The following PIP4K2A variants were observed in gnomAD, a reference collection of about 807,000 sequenced individuals.
PIP4K2A encodes phosphatidylinositol 5-phosphate 4-kinase type-2 alpha.
PIP4K2A carries 14 observed loss-of-function variants against 42.9 expected under a neutral mutation model. The observed-to-expected ratio is 0.33, with a 90% CI of 0.22 to 0.51. The LOEUF is 0.51. Ranked by LOEUF, PIP4K2A falls within the 20% of genes least tolerant of loss-of-function variation. The probability of loss-of-function intolerance (pLI) is 0.97; values close to 1 mark genes in which losing one functional copy is unlikely to be tolerated. For missense variants in PIP4K2A, 434 were observed against 519.8 expected (o/e 0.83, Z 1.61); for synonymous variants, 192 against 192.2 (o/e 1.00, Z 0.01).
intron 1 of PIP4K2A, among the ~76,000 whole-genome samples, chr10:22,640,701 C>T (rs943191): frequency 0.028 from 4,235 of 152,250 alleles, 78 homozygotes; most frequent in Non-Finnish European, 0.039. Flanking sequence ...CCTTCTCCTC[C>T]GCCTGGGAAA....
chr10:22,558,040 CT>C (rs1836595873), intron 6 of PIP4K2A, among the ~76,000 whole-genome samples: 1 of 152,180 alleles, frequency 6.6e-6, no homozygotes, highest in African/African-American at 2.4e-5. Flanking sequence ...GTTTGATATG[CT>C]CATTTGGCAA....
Position 22,591,619 on chromosome 10 carries a change from GA to G in PIP4K2A, c.492+9del. The G allele has an allele frequency of 6.3e-7, 1 of 1,595,592 alleles. No homozygotes were observed. Among genetic ancestry groups the G allele is most frequent in the South Asian group, 1.1e-5 (1 of 88,696 alleles). On this transcript the variant is annotated intron_variant, in intron 4 of 9. Transcript: ENST00000376573. The stretch of plus-strand genomic sequence containing the variant: ...TCTTGGAGTTTCAAATAAAGATCAA[GA>G]AAAATTACCTGGTGGTATTTCTTCA...
At chr10:22,589,242 C>T (rs1462920211) in intron 4 of PIP4K2A, among the ~76,000 whole-genome samples, 3 of 152,136 alleles carry the variant, frequency 2.0e-5, no homozygotes, top group Non-Finnish European at 4.4e-5. Context: ...AAAGAGAATG[C>T]ATAAGTATGA....
At chr10:22,690,188 T>C (rs1009854441) in intron 1 of PIP4K2A, among the ~76,000 whole-genome samples, 9 of 152,184 alleles carry the variant, frequency 5.9e-5, no homozygotes, top group African/African-American at 2.2e-4. Flanking sequence ...AACCCTATTT[T>C]GGAGTAGAGG....
chr10:22,556,248 C>G (rs111925698), intron 6 of PIP4K2A, among the ~76,000 whole-genome samples: 1 of 152,134 alleles, frequency 6.6e-6, no homozygotes, highest in Admixed American at 6.5e-5. Flanking sequence ...TGACATGGCC[C>G]GAGGCGCCAA....
At chr10:22,676,762 CAG>C (rs747357415) in intron 1 of PIP4K2A, among the ~76,000 whole-genome samples, 1 of 152,158 alleles carries the variant, frequency 6.6e-6, no homozygotes, top group Non-Finnish European at 1.5e-5. Context: ...CTGAATGAAA[CAG>C]AAAACATTCC....
chr10:22,664,124 T>C (rs1467616800), intron 1 of PIP4K2A, among the ~76,000 whole-genome samples: 5 of 66,328 alleles, frequency 7.5e-5, no homozygotes, highest in African/African-American at 5.3e-4. Flanking sequence ...TACATATATA[T>C]ATATACATAT....
In PIP4K2A at chr10:22,627,591, T is replaced by TAAAAAAAAAAAAAAAAAAAAAAAAAA. The variant is rs57671642; in HGVS notation, c.145-17900_145-17875dup. On this transcript the variant is annotated intron_variant, in intron 1 of 9. Coordinates refer to ENST00000376573, the MANE Select transcript of PIP4K2A (RefSeq NM_005028.5). ...TGTTTAACCAAAAGCTAATATGTAATAAAAAAAAAAAAAAAAAAAAAAAAA... is the reference window on the plus strand; with the variant it reads ...TGTTTAACCAAAAGCTAATATGTAATAAAAAAAAAAAAAAAAAAAAAAAAAAAAAAAAAAAAAAAAAAAAAAAAAAA... Among the ~76,000 whole-genome samples, 51 of 57,028 alleles carry TAAAAAAAAAAAAAAAAAAAAAAAAAA rather than the reference T, an allele frequency of 8.9e-4. 10 individuals carry two copies. The highest frequency in any genetic ancestry group is 2.9e-3 in the East Asian group (3 of 1,042). 37.4% of individuals were successfully genotyped at this position (57,028 alleles called of 152,430 possible).
chr10:22,671,926 T>G (rs552654443), intron 1 of PIP4K2A, among the ~76,000 whole-genome samples: 6 of 152,092 alleles, frequency 3.9e-5, no homozygotes, highest in Non-Finnish European at 8.8e-5. Flanking sequence ...TTAAAATAAC[T>G]AATAATATAA....
intron 4 of PIP4K2A, among the ~76,000 whole-genome samples, chr10:22,582,882 G>T (rs1400587309): frequency 1.9e-5 from 2 of 102,742 alleles, no homozygotes; most frequent in East Asian, 2.6e-4. Flanking sequence ...ATTTCAAATC[G>T]TCTTGAAGTA....
Position 22,607,939 on chromosome 10 carries a change from A to G in PIP4K2A, c.327T>C (p.Asp109=). 3.1e-6 allele frequency: 5 copies of G among 1,610,946 alleles called. No homozygotes were observed. Among genetic ancestry groups the G allele is most frequent in the South Asian group, 1.1e-5 (1 of 90,818 alleles). ...RNLRERFGID[D]QDFQNSLTRS... Reference sequence around the variant, plus strand: ...AAACGCAACTCACCTGGAAATCTTGATCATCAATTCCAAACCTCTCCCGCA... The same window carrying G: ...AAACGCAACTCACCTGGAAATCTTGGTCATCAATTCCAAACCTCTCCCGCA... Residue 109 remains aspartate (D), a synonymous_variant, in exon 3 of 10, where the codon GAT becomes GAC. Coordinates refer to ENST00000376573, the MANE Select transcript of PIP4K2A (RefSeq NM_005028.5).
At chr10:22,567,826 G>C in intron 6 of PIP4K2A, 25 bp downstream of exon 6, 2 of 1,597,340 alleles carry the variant, frequency 1.3e-6, no homozygotes, top group African/African-American at 1.3e-5. Flanking sequence ...CCAGGACATG[G>C]GGAGACATAC....
chr10:22,540,109 G>C (rs778058642), intron 8 of PIP4K2A, 35 bp from the exon 9 acceptor site: 1 of 996,308 alleles, frequency 1.0e-6, no homozygotes, highest in South Asian at 1.3e-5. Context: ...TGTGGGACAT[G>C]TGACAACACC....
intron 1 of PIP4K2A, among the ~76,000 whole-genome samples, chr10:22,672,306 C>A (rs971035315): frequency 6.6e-6 from 1 of 151,900 alleles, no homozygotes; most frequent in Non-Finnish European, 1.5e-5. Flanking sequence ...TTGTTGGAGG[C>A]GGATGAGATT....
chr10:22,647,878 T>C (rs1039283057), intron 1 of PIP4K2A, among the ~76,000 whole-genome samples: 2 of 152,174 alleles, frequency 1.3e-5, no homozygotes, highest in Non-Finnish European at 2.9e-5. Flanking sequence ...AGCAGAGAGC[T>C]GGGAAAAACA....
intron 9 of PIP4K2A, among the ~76,000 whole-genome samples, chr10:22,538,909 G>A (rs1177264787): frequency 1.3e-5 from 2 of 152,148 alleles, no homozygotes; most frequent in East Asian, 3.8e-4. Context: ...TTGTTAGGCT[G>A]ATTTCTATTT....
chr10:22,640,624 T>A (rs951135146), intron 1 of PIP4K2A, among the ~76,000 whole-genome samples: 4 of 152,174 alleles, frequency 2.6e-5, no homozygotes, highest in Admixed American at 2.6e-4. Flanking sequence ...TGTGTGGAGT[T>A]CTGCTGAAAG....
chr10:22,629,918 A>G (rs1328951629), intron 1 of PIP4K2A, among the ~76,000 whole-genome samples: 1 of 152,200 alleles, frequency 6.6e-6, no homozygotes, highest in African/African-American at 2.4e-5. Flanking sequence ...AGAAAAAAAG[A>G]TATTTTACTT....
chr10:22,552,965 G>T (rs1836449407), intron 6 of PIP4K2A, among the ~76,000 whole-genome samples: 1 of 152,070 alleles, frequency 6.6e-6, no homozygotes, highest in Non-Finnish European at 1.5e-5. Flanking sequence ...CATGCTGGAT[G>T]TGTGTTTGTA....
Sources: gnomAD v4.1 joint callset for allele counts (sites outside exome capture counted in the v4.1 genomes callset) on GRCh38, gnomAD v4.1.1 for gene constraint, MANE v1.5 for transcripts, NCBI Gene and HGNC (gene_info 2026-07-23, HGNC 2026-07-21) for gene names.